The following DCLK1 variants were observed in gnomAD, a reference collection of about 807,000 sequenced individuals.
The protein encoded by DCLK1 is doublecortin like kinase 1.
Under a neutral mutation model 86.2 loss-of-function variants are expected in DCLK1, and 16 were observed. That is an observed-to-expected ratio of 0.19 (90% CI 0.13 to 0.28). The LOEUF (loss-of-function observed/expected upper bound fraction) is 0.28, where lower values mean the gene tolerates loss of function less well. Among genes scored for constraint, DCLK1 ranks in the 10% least tolerant of loss-of-function variants. The pLI, the probability that DCLK1 is intolerant of heterozygous loss-of-function variation, is 1.00. For synonymous variants in DCLK1, 369 were observed against 370.5 expected (o/e 1.00, Z 0.05); for missense variants, 590 against 940.2 (o/e 0.63, Z 4.87).
chr13:35,853,674 C>T (rs1005875650), intron 6 of DCLK1, among the ~76,000 whole-genome samples: 1 of 152,154 alleles, frequency 6.6e-6, no homozygotes, highest in African/African-American at 2.4e-5. Context: ...AAGGAGTTCT[C>T]GCTTATTAAA....
rs1266664629 is a variant in DCLK1, at chr13:36,116,503, T to C, written c.377-4288A>G. 2.6e-5 allele frequency among the ~76,000 whole-genome samples: 4 copies of C among 152,114 alleles called. No homozygotes were observed. In the East Asian group the frequency reaches 5.8e-4, roughly 22 times the overall value. ...AAGTGTTCCTCCACGAGACTCTATA[T>C]TGGGGGATTCTACAAATTTGCCTCT... On this transcript the variant is annotated intron_variant, in intron 2 of 16. Coordinates refer to ENST00000360631, the MANE Select transcript of DCLK1 (RefSeq NM_001330071.2).
At chr13:35,891,803 G>A (rs1275029222) in intron 4 of DCLK1, among the ~76,000 whole-genome samples, 1 of 152,118 alleles carries the variant, frequency 6.6e-6, no homozygotes, top group African/African-American at 2.4e-5. Context: ...TTCATCGTCT[G>A]AGGCCCCCTT....
intron 11 of DCLK1, among the ~76,000 whole-genome samples, chr13:35,816,513 C>T (rs1362820782): frequency 6.6e-6 from 1 of 152,124 alleles, no homozygotes; most frequent in African/African-American, 2.4e-5. Context: ...CAGGACATAC[C>T]AGGCATTGTG....
intron 3 of DCLK1, among the ~76,000 whole-genome samples, chr13:36,049,767 T>C (rs573318263): frequency 1.1e-4 from 17 of 152,238 alleles, no homozygotes; most frequent in African/African-American, 4.1e-4. Flanking sequence ...CTTACCCTTA[T>C]AAAATTGGCT....
At chr13:35,783,314 A>AT (rs915271362) in intron 16 of DCLK1, among the ~76,000 whole-genome samples, 284 of 113,716 alleles carry the variant, frequency 2.5e-3, no homozygotes, top group African/African-American at 4.8e-3. Context: ...CAGAAAGCAA[A>AT]TTTTTTTTTT....
intron 4 of DCLK1, among the ~76,000 whole-genome samples, chr13:35,884,076 T>C (rs1029733920): frequency 1.3e-5 from 2 of 152,154 alleles, no homozygotes; most frequent in African/African-American, 2.4e-5. Flanking sequence ...TAAAAACCCA[T>C]GTGATCCCAA....
chr13:36,109,124 G>A (rs1369022800), intron 3 of DCLK1, among the ~76,000 whole-genome samples: 1 of 152,152 alleles, frequency 6.6e-6, no homozygotes, highest in Non-Finnish European at 1.5e-5. Flanking sequence ...CAACGAATAA[G>A]TCTTTATGTT....
chr13:36,125,476 T>C (rs1217994536), intron 2 of DCLK1, among the ~76,000 whole-genome samples: 1 of 152,216 alleles, frequency 6.6e-6, no homozygotes, highest in East Asian at 1.9e-4. Context: ...AGAGATAAAA[T>C]GGACTTTTAA....
At chr13:36,087,625 G>A (rs56381348) in intron 3 of DCLK1, among the ~76,000 whole-genome samples, 42,821 of 151,998 alleles carry the variant, frequency 0.28, 6,159 homozygotes, top group South Asian at 0.45. Flanking sequence ...AACAGGCCAT[G>A]TGGATTGCTG....
chr13:35,801,511 T>C (rs2086918979), intron 15 of DCLK1, among the ~76,000 whole-genome samples: 1 of 151,942 alleles, frequency 6.6e-6, no homozygotes, highest in Non-Finnish European at 1.5e-5. Context: ...GGGTATTTTT[T>C]TTTTAGTTTT....
intron 5 of DCLK1, chr13:35,855,679 C>T: frequency 7.2e-7 from 1 of 1,395,306 alleles, no homozygotes; most frequent in African/African-American, 1.4e-5. Flanking sequence ...CAGGATTCAT[C>T]AGCAGATGCC....
At chr13:35,804,513 G>A (rs1237134654) in intron 15 of DCLK1, among the ~76,000 whole-genome samples, 4 of 151,654 alleles carry the variant, frequency 2.6e-5, no homozygotes, top group African/African-American at 9.7e-5. Flanking sequence ...GCTCACTGCA[G>A]CCTCTGCCTC....
intron 1 of DCLK1, 47 bp from the exon 2 acceptor site, chr13:36,126,203 A>T (rs1886179235): frequency 2.4e-5 from 16 of 653,516 alleles, no homozygotes; most frequent in South Asian, 1.3e-4. Context: ...GATGTAGGTT[A>T]TATATATATA....
At chr13:36,077,518 T>C (rs1884255331) in intron 3 of DCLK1, among the ~76,000 whole-genome samples, 1 of 152,184 alleles carries the variant, frequency 6.6e-6, no homozygotes, top group Non-Finnish European at 1.5e-5. Flanking sequence ...AGACAGTCCT[T>C]GTTCTCAGGC....
chr13:35,980,492 C>T (rs1464677690), intron 3 of DCLK1, among the ~76,000 whole-genome samples: 1 of 152,136 alleles, frequency 6.6e-6, no homozygotes, highest in African/African-American at 2.4e-5. Context: ...CCGGCAACTA[C>T]TTTCTGTCTT....
intron 3 of DCLK1, among the ~76,000 whole-genome samples, chr13:36,023,160 G>A (rs979631011): frequency 6.6e-6 from 1 of 152,230 alleles, no homozygotes; most frequent in Admixed American, 6.5e-5. Flanking sequence ...GGGAGAGATA[G>A]ATAGATGTGC....
chr13:35,978,068 C>T (rs728985), intron 3 of DCLK1, among the ~76,000 whole-genome samples: 145,656 of 152,192 alleles, frequency 0.96, 69,974 homozygotes, highest in East Asian at 1. Flanking sequence ...CGATCCATTA[C>T]AAATTGGTGT....
At chr13:35,884,235 G>A (rs78185730) in intron 4 of DCLK1, among the ~76,000 whole-genome samples, 2,615 of 151,896 alleles carry the variant, frequency 0.017, 74 homozygotes, top group African/African-American at 0.06. Context: ...AGCATGAGGA[G>A]ATAAATTAGC....
At position 36,126,073 on chromosome 13, in the gene DCLK1, C is replaced by A; in HGVS notation, c.65G>T (p.Ser22Ile). 6.2e-7 allele frequency: 1 copy of A among 1,612,592 alleles called. No homozygotes were observed. ...FDERDKAQRYSRGSRVNGLPS... is the reference protein window; with the variant it reads ...FDERDKAQRYIRGSRVNGLPS... The stretch of plus-strand genomic sequence containing the variant: ...CAGGCCGTTCACCCGCGACCCTCGG[C>A]TGTATCTCTGCGCCTTATCCCGCTC... Residue 22 changes from serine to isoleucine, a missense_variant, in exon 2 of 17, where the codon AGC becomes ATC. By Grantham distance (142) the Ser-to-Ile change is moderately radical (BLOSUM62 -2). Coordinates refer to ENST00000360631, the MANE Select transcript of DCLK1 (RefSeq NM_001330071.2).
Sources: gnomAD v4.1 joint callset for allele counts (sites outside exome capture counted in the v4.1 genomes callset) on GRCh38, gnomAD v4.1.1 for gene constraint, MANE v1.5 for transcripts, NCBI Gene and HGNC (gene_info 2026-07-23, HGNC 2026-07-21) for gene names.